The following SPAG1 variants were observed in gnomAD, a reference collection of about 807,000 sequenced individuals.
SPAG1 encodes the protein sperm associated antigen 1, also known as sperm-associated antigen 1.
SPAG1 carries 69 observed loss-of-function variants against 100.5 expected under a neutral mutation model. The observed-to-expected ratio is 0.69, with a 90% confidence interval of 0.57 to 0.84. The LOEUF (loss-of-function observed/expected upper bound fraction) is 0.84. Ranked by LOEUF, SPAG1 falls within the 40% of genes least tolerant of loss-of-function variation. SPAG1 has a pLI of 0.00. For synonymous variants in SPAG1, 336 were observed against 411.6 expected, an observed-to-expected ratio of 0.82 and a Z score of 2.22; for missense variants, 955 against 1,133.1, an observed-to-expected ratio of 0.84 and a Z score of 2.26.
At position 100,183,421 on chromosome 8, in the gene SPAG1, A is replaced by G; in HGVS notation, c.473A>G (p.Tyr158Cys). Residue 158 changes from tyrosine to cysteine, a missense_variant, in exon 5 of 19, where the codon TAC (tyrosine) becomes TGC (cysteine). Coordinates refer to ENST00000388798, the MANE Select transcript of SPAG1 (RefSeq NM_003114.5). ...RPTKKKTPRD[Y>C]AEWDKFDVEK... ...ACTAAAAAGAAAACTCCAAGGGATT[A>G]CGCGGAATGGGATAAGTATGTTTTA... The G allele has an allele frequency of 6.7e-7, 1 of 1,501,288 alleles. No individual in the cohort carries two copies. The highest frequency in any genetic ancestry group is 9.2e-7 in the Non-Finnish European group (1 of 1,088,132). 93.0% of individuals were successfully genotyped at this position (1,501,288 alleles called of 1,614,324 possible).
chr8:100,166,020 T>C (rs1185955195), intron 3 of SPAG1, 47 bp downstream of exon 3: 1 of 1,491,108 alleles, frequency 6.7e-7, no homozygotes, highest in South Asian at 1.2e-5. Context: ...AGACATTCTA[T>C]ATATGTTTAC....
At chr8:100,224,040 G>A (rs1563808765) in intron 13 of SPAG1, among the ~76,000 whole-genome samples, 2 of 152,058 alleles carry the variant, frequency 1.3e-5, no homozygotes, top group East Asian at 3.8e-4. Context: ...TCAGTCTTAG[G>A]AAGCAGTTCT....
chr8:100,199,480 T>C (rs980881800), intron 10 of SPAG1, among the ~76,000 whole-genome samples: 2 of 152,216 alleles, frequency 1.3e-5, no homozygotes, highest in East Asian at 3.8e-4. Flanking sequence ...ATTTTCACTC[T>C]TGTTGCCCAG....
chr8:100,227,074 T>C (rs570131418), intron 14 of SPAG1, among the ~76,000 whole-genome samples: 1 of 152,370 alleles, frequency 6.6e-6, no homozygotes, highest in Non-Finnish European at 1.5e-5. Context: ...TATGGTAGGC[T>C]ATACCATCTA....
intron 3 of SPAG1, among the ~76,000 whole-genome samples, chr8:100,169,365 A>C (rs1815717096): frequency 6.6e-6 from 1 of 152,160 alleles, no homozygotes; most frequent in Non-Finnish European, 1.5e-5. Flanking sequence ...GCTATCATGC[A>C]CTATTACCAA....
chr8:100,225,664 A>G (rs972459422), intron 14 of SPAG1, among the ~76,000 whole-genome samples: 2 of 151,778 alleles, frequency 1.3e-5, no homozygotes, highest in Admixed American at 1.3e-4. Flanking sequence ...TAGTAGAGAC[A>G]GGGTTTCACC....
At chr8:100,179,499 A>C (rs894972579) in intron 4 of SPAG1, among the ~76,000 whole-genome samples, 1 of 152,188 alleles carries the variant, frequency 6.6e-6, no homozygotes, top group Non-Finnish European at 1.5e-5. Context: ...GTGGTACAGT[A>C]GTTCTTAAAG....
At chr8:100,199,949 A>G (rs138547410) in intron 10 of SPAG1, among the ~76,000 whole-genome samples, 1 of 148,644 alleles carries the variant, frequency 6.7e-6, no homozygotes, top group Admixed American at 6.7e-5. Flanking sequence ...ACTCATTTTG[A>G]CTTTTTTTTT....
At chr8:100,209,273 G>A (rs1817624475) in intron 10 of SPAG1, among the ~76,000 whole-genome samples, 1 of 150,624 alleles carries the variant, frequency 6.6e-6, no homozygotes, top group Non-Finnish European at 1.5e-5. Flanking sequence ...GATCATGTAA[G>A]TTAATACTGA....
At chr8:100,177,666 A>T in intron 3 of SPAG1, 150 bp from the exon 4 acceptor site, 1 of 420,438 alleles carries the variant, frequency 2.4e-6, no homozygotes, top group Non-Finnish European at 4.2e-6. Context: ...AATCTCCAAA[A>T]ATTTTTCCAA....
intron 1 of SPAG1, among the ~76,000 whole-genome samples, chr8:100,159,836 G>T (rs1320733818): frequency 6.6e-6 from 1 of 152,146 alleles, no homozygotes. Flanking sequence ...TAAGTATGTG[G>T]GCTCTGTAGT....
At position 100,241,757 on chromosome 8, in the gene SPAG1, C is replaced by T. The variant is rs1296723801; in HGVS notation, c.*735C>T. The T allele has an allele frequency of 6.6e-6, 1 of 151,952 alleles. No homozygotes were observed. The highest frequency in any genetic ancestry group is 1.5e-5 in the Non-Finnish European group (1 of 68,016). The allele number at this position is 151,952 out of a possible 1,614,324, so 9.4% of individuals were successfully genotyped here. ...TCTGAATTATTACCTCCATATTTTA[C>T]CAAACATTTGAATGTCCCCCTTCCC... On this transcript the variant is annotated 3_prime_UTR_variant, in exon 19 of 19. Transcript: ENST00000388798. This position sits in a 1 kb window ranked among gnomAD's most constrained non-coding sequence, Gnocchi z 5.1.
At chr8:100,212,370 CT>C (rs1431689114) in intron 10 of SPAG1, among the ~76,000 whole-genome samples, 1 of 152,126 alleles carries the variant, frequency 6.6e-6, no homozygotes, top group African/African-American at 2.4e-5. Flanking sequence ...TGATTAATTG[CT>C]TTGTTTTAAA....
intron 14 of SPAG1, among the ~76,000 whole-genome samples, chr8:100,226,961 A>C (rs956200729): frequency 3.3e-5 from 5 of 152,222 alleles, no homozygotes; most frequent in African/African-American, 1.2e-4. Flanking sequence ...GTTTAGATAC[A>C]CAAATACCAT....
At chr8:100,200,892 TA>T (rs1817248685) in intron 10 of SPAG1, among the ~76,000 whole-genome samples, 1 of 152,232 alleles carries the variant, frequency 6.6e-6, no homozygotes, top group Non-Finnish European at 1.5e-5. Flanking sequence ...TCCCATTTTG[TA>T]GGTTGCCTGT....
intron 10 of SPAG1, among the ~76,000 whole-genome samples, chr8:100,210,523 C>T (rs1341689356): frequency 1.3e-5 from 2 of 152,178 alleles, no homozygotes; most frequent in Non-Finnish European, 2.9e-5. Flanking sequence ...TCTTCCCAAA[C>T]TACTCTTGGT....
Position 100,165,879 on chromosome 8 carries a change from C to T in SPAG1, c.206C>T (p.Ala69Val), listed in dbSNP as rs777005489. ...TGTGAAAAGCATCTTCAAGCCTTGG[C>T]CCCTGAAAGCAGAGCTTTGAGGAAA... is the stretch of plus-strand genomic sequence containing the variant. The part of the protein sequence containing the change: ...EFCEKHLQAL[A>V]PESRALRKDK... The change falls in exon 3 of 19, where the codon GCC (alanine) becomes GTC (valine). Residue 69 changes from alanine to valine, a missense_variant. Ala to Val is a moderately conservative substitution (Grantham distance 64). Transcript: ENST00000388798. 5 of 1,613,684 alleles carry T rather than the reference C, an allele frequency of 3.1e-6. No homozygotes were observed. Among genetic ancestry groups the T allele is most frequent in the Non-Finnish European group, 3.4e-6 (4 of 1,179,666 alleles).
chr8:100,231,316 CTTATG>C, intron 15 of SPAG1, 28 bp downstream of exon 15: 1 of 1,372,760 alleles, frequency 7.3e-7, no homozygotes, highest in Non-Finnish European at 1.0e-6. Context: ...TTATATATTT[CTTATG>C]TTAATAGTTT....
At chr8:100,206,664 A>C (rs1817530991) in intron 10 of SPAG1, among the ~76,000 whole-genome samples, 1 of 152,004 alleles carries the variant, frequency 6.6e-6, no homozygotes, top group East Asian at 2.0e-4. Flanking sequence ...ATTCCTTCTA[A>C]GGTGAAGGAA....
Sources: allele counts gnomAD v4.1 joint callset (sites outside exome capture counted in the v4.1 genomes callset), GRCh38; gene constraint gnomAD v4.1.1; non-coding constraint Gnocchi (gnomAD v3.1); transcripts MANE v1.5; gene names NCBI Gene and HGNC (gene_info 2026-07-23, HGNC 2026-07-21).